FGGY: variants seen among roughly 807,000 people sequenced by gnomAD.
FGGY encodes FGGY carbohydrate kinase domain-containing protein.
FGGY carries 72 observed loss-of-function variants against 71.3 expected under a neutral mutation model. That is an observed-to-expected ratio of 1.01 (90% CI 0.84 to 1.23). The LOEUF (loss-of-function observed/expected upper bound fraction) is 1.23, where lower values mean the gene tolerates loss of function less well. Ranked by LOEUF, FGGY falls within the 50% of genes most tolerant of loss-of-function variation. The pLI, the probability that FGGY is intolerant of heterozygous loss-of-function variation, is 0.00. For missense variants in FGGY, 668 were observed against 682.3 expected, an observed-to-expected ratio of 0.98 and a Z score of 0.23; for synonymous variants, 251 against 250.3, an observed-to-expected ratio of 1.00 and a Z score of -0.02.
chr1:59,689,385 T>G (rs1208440479), intron 14 of FGGY, among the ~76,000 whole-genome samples: 2 of 151,562 alleles, frequency 1.3e-5, no homozygotes, highest in African/African-American at 4.9e-5. Context: ...AGTTCAGGAG[T>G]AGTGAAAAAG....
At chr1:59,369,542 C>T (rs1010802814) in intron 4 of FGGY, among the ~76,000 whole-genome samples, 27 of 152,196 alleles carry the variant, frequency 1.8e-4, no homozygotes, top group African/African-American at 6.3e-4. Flanking sequence ...CCCTCTCTGA[C>T]AGCTTTGAAG....
At chr1:59,742,134 A>ATCAGCTCCCCTAGCTGTTGCCTC (rs1553443347) in intron 14 of FGGY, among the ~76,000 whole-genome samples, 1 of 152,156 alleles carries the variant, frequency 6.6e-6, no homozygotes, top group African/African-American at 2.4e-5. Context: ...TCTTCTGCCT[A>ATCAGCTCCCCTAGCTGTTGCCTC]TCAGCTCCCC....
intron 6 of FGGY, among the ~76,000 whole-genome samples, chr1:59,507,918 G>A (rs2094434009): frequency 6.6e-6 from 1 of 152,036 alleles, no homozygotes; most frequent in Non-Finnish European, 1.5e-5. Flanking sequence ...CACGCCTGAA[G>A]CCCTCCGCTG....
At chr1:59,329,703 T>TCCTA (rs1170713318) in intron 2 of FGGY, among the ~76,000 whole-genome samples, 1 of 152,226 alleles carries the variant, frequency 6.6e-6, no homozygotes, top group Non-Finnish European at 1.5e-5. Context: ...TGCATATCCT[T>TCCTA]CCTACCTTCC....
At chr1:59,409,591 G>C (rs61789968) in intron 5 of FGGY, among the ~76,000 whole-genome samples, 29,569 of 135,342 alleles carry the variant, frequency 0.22, 3,238 homozygotes, top group East Asian at 0.36. Context: ...TGTGAAGGAA[G>C]AGTTTTTTAT....
At chr1:59,533,993 A>G (rs985966050) in intron 7 of FGGY, among the ~76,000 whole-genome samples, 1 of 152,230 alleles carries the variant, frequency 6.6e-6, no homozygotes, top group Non-Finnish European at 1.5e-5. Context: ...ATGACTTTGA[A>G]GAGCTGAGAG....
rs574330418 is a variant in FGGY at position 59,673,908 on chromosome 1, A to T, written c.1418-131A>T. ...AATCCCAAGGAATAAAGAAGGGAGG[A>T]CTGCAGGGAGTCGGGCGGGGGGCCT... On this transcript the variant is annotated intron_variant, in intron 13 of 15. Transcript: ENST00000303721. 79 of 671,576 alleles carry T rather than the reference A, an allele frequency of 1.2e-4. No individual in the cohort carries two copies. In the African/African-American group the frequency reaches 1.2e-3, roughly 10 times the overall value. 41.6% of individuals were successfully genotyped at this position (671,576 alleles called of 1,614,324 possible).
intron 4 of FGGY, among the ~76,000 whole-genome samples, chr1:59,362,143 C>T (rs1436727399): frequency 6.6e-6 from 1 of 152,078 alleles, no homozygotes; most frequent in East Asian, 1.9e-4. Context: ...TTTCTTCACC[C>T]CATTCTTTTT....
At position 59,547,694 on chromosome 1, in the gene FGGY, C is replaced by T. The variant is rs1205556457; in HGVS notation, c.800-6430C>T. ...AATCAAGGATCTTAGAACCTTTAGT[C>T]TTTACCAGTGATTTTTGACAAGGTA... On this transcript the variant is annotated intron_variant, in intron 7 of 15. Transcript: ENST00000303721. Among the ~76,000 whole-genome samples the T allele has an allele frequency of 2.0e-5, 3 of 152,196 alleles. No individual in the cohort carries two copies. In the East Asian group the frequency reaches 5.8e-4, roughly 29 times the overall value.
At chr1:59,491,547 T>C (rs946520547) in intron 6 of FGGY, among the ~76,000 whole-genome samples, 3 of 152,168 alleles carry the variant, frequency 2.0e-5, no homozygotes, top group Admixed American at 2.0e-4. Flanking sequence ...TGATTTTTCA[T>C]GTCAATTTTG....
chr1:59,342,301 C>T (rs1404663880), intron 3 of FGGY, among the ~76,000 whole-genome samples: 2 of 152,038 alleles, frequency 1.3e-5, no homozygotes, highest in Admixed American at 6.6e-5. Flanking sequence ...GACAGATTAA[C>T]GGAGAATTAA....
At chr1:59,472,604 C>G (rs2093016860) in intron 6 of FGGY, among the ~76,000 whole-genome samples, 1 of 152,252 alleles carries the variant, frequency 6.6e-6, no homozygotes, top group Admixed American at 6.5e-5. Context: ...TGTAAATACA[C>G]CAATTGGCAC....
intron 5 of FGGY, among the ~76,000 whole-genome samples, chr1:59,402,425 A>G (rs2062092074): frequency 6.6e-6 from 1 of 152,216 alleles, no homozygotes; most frequent in Non-Finnish European, 1.5e-5. Context: ...ATCTGTTTGC[A>G]TATTTGACCT....
chr1:59,741,320 G>GTACTCAC (rs1318739307), intron 14 of FGGY, among the ~76,000 whole-genome samples: 1 of 152,094 alleles, frequency 6.6e-6, no homozygotes, highest in Non-Finnish European at 1.5e-5. Context: ...CCCCCCATTG[G>GTACTCAC]TACCACATAG....
At chr1:59,674,169 C>T (rs757187214) in intron 14 of FGGY, 36 bp downstream of exon 14, 3 of 1,544,396 alleles carry the variant, frequency 1.9e-6, no homozygotes, top group African/African-American at 1.4e-5. Context: ...GTGGCTCCTC[C>T]CCTGTCTGAG....
intron 7 of FGGY, among the ~76,000 whole-genome samples, chr1:59,546,953 T>C (rs1259719510): frequency 6.9e-6 from 1 of 145,796 alleles, no homozygotes; most frequent in East Asian, 2.0e-4. Context: ...TTTTTGACTT[T>C]TTTTTTTTTT....
intron 5 of FGGY, among the ~76,000 whole-genome samples, chr1:59,407,166 G>A (rs115066345): frequency 0.018 from 2,812 of 152,260 alleles, 94 homozygotes; most frequent in African/African-American, 0.064. Flanking sequence ...CTCTGTCATC[G>A]GCTGGTTGGT....
At chr1:59,619,455 A>G (rs2096788024) in intron 9 of FGGY, among the ~76,000 whole-genome samples, 1 of 152,090 alleles carries the variant, frequency 6.6e-6, no homozygotes, top group Non-Finnish European at 1.5e-5. Flanking sequence ...GGTAGACCTC[A>G]CTGATGTGAC....
chr1:59,332,374 T>G (rs999843791), intron 2 of FGGY, among the ~76,000 whole-genome samples: 1 of 152,198 alleles, frequency 6.6e-6, no homozygotes, highest in African/African-American at 2.4e-5. Flanking sequence ...CTTCTTCCAT[T>G]AATAAGAATA....
Sources: gnomAD v4.1 joint callset for allele counts (sites outside exome capture counted in the v4.1 genomes callset) on GRCh38, gnomAD v4.1.1 for gene constraint, MANE v1.5 for transcripts, NCBI Gene and HGNC (gene_info 2026-07-23, HGNC 2026-07-21) for gene names.